HTR4: variants seen among roughly 807,000 people sequenced by gnomAD.
HTR4 encodes the protein 5-hydroxytryptamine (serotonin) receptor 4, G protein-coupled.
HTR4 carries 16 observed loss-of-function variants against 36.8 expected under a neutral mutation model. The observed-to-expected ratio is 0.43, with a 90% CI of 0.29 to 0.66. HTR4 has a LOEUF of 0.66. Among genes scored for constraint, HTR4 ranks in the 30% least tolerant of loss-of-function variants. The pLI is 0.13. For synonymous variants in HTR4, 189 were observed against 185.1 expected (o/e 1.02, Z -0.17); for missense variants, 438 against 490.9 (o/e 0.89, Z 1.02).
intron 5 of HTR4, among the ~76,000 whole-genome samples, chr5:148,457,927 ATATAT>A (rs1398557397): frequency 4.5e-5 from 6 of 132,916 alleles, no homozygotes; most frequent in Non-Finnish European, 9.7e-5. Context: ...TATCATTAAA[ATATAT>A]TATATTTTAA....
intron 5 of HTR4, among the ~76,000 whole-genome samples, chr5:148,511,292 A>G (rs1757486293): frequency 6.6e-6 from 1 of 152,224 alleles, no homozygotes; most frequent in South Asian, 2.1e-4. Flanking sequence ...ATAGAATATT[A>G]TCAACAACCC....
At position 148,559,389 on chromosome 5, in the gene HTR4, G is replaced by A. The variant is rs181532397; in HGVS notation, c.27-9127C>T. ...TTAACATATAGGAGCGATAAACTCA[G>A]ATAATAATCACATTGCTAATATGAC... On this transcript the variant is annotated intron_variant, in intron 2 of 6. Transcript: ENST00000377888. Among the ~76,000 whole-genome samples, 517 of 152,180 alleles carry A rather than the reference G, an allele frequency of 3.4e-3. 5 individuals carry two copies. Among genetic ancestry groups the A allele is most frequent in the African/African-American group, 0.012 (487 of 41,506 alleles).
intron 2 of HTR4, among the ~76,000 whole-genome samples, chr5:148,618,488 A>G (rs1312184157): frequency 6.6e-6 from 1 of 152,122 alleles, no homozygotes; most frequent in Non-Finnish European, 1.5e-5. Context: ...TGAAATCACC[A>G]TATTTCTTCA....
At chr5:148,542,787 G>T (rs1257950895) in intron 4 of HTR4, among the ~76,000 whole-genome samples, 1 of 152,158 alleles carries the variant, frequency 6.6e-6, no homozygotes, top group Non-Finnish European at 1.5e-5. Flanking sequence ...CCTAATATAG[G>T]GAAGACTTGG....
chr5:148,527,084 C>G (rs974380268), intron 4 of HTR4, among the ~76,000 whole-genome samples: 1 of 152,158 alleles, frequency 6.6e-6, no homozygotes, highest in African/African-American at 2.4e-5. Flanking sequence ...GATATCCCAA[C>G]TACCCTGATT....
At chr5:148,484,293 A>G in intron 6 of HTR4, 1 of 1,613,744 alleles carries the variant, frequency 6.2e-7, no homozygotes, top group Non-Finnish European at 8.5e-7. Flanking sequence ...CAAACATCTA[A>G]TGCTCAATGT....
chr5:148,495,686 GT>G (rs1427991440), intron 6 of HTR4, among the ~76,000 whole-genome samples: 3 of 152,206 alleles, frequency 2.0e-5, no homozygotes, highest in Non-Finnish European at 4.4e-5. Context: ...AGACTATGTA[GT>G]CATACCATGT....
intron 2 of HTR4, among the ~76,000 whole-genome samples, chr5:148,572,727 C>A (rs923060365): frequency 6.6e-6 from 1 of 152,088 alleles, no homozygotes; most frequent in African/African-American, 2.4e-5. Context: ...GTCTCTAGAA[C>A]CCTTTTCTTT....
intron 6 of HTR4, among the ~76,000 whole-genome samples, chr5:148,491,087 A>G (rs1346440465): frequency 6.6e-6 from 1 of 152,160 alleles, no homozygotes; most frequent in East Asian, 1.9e-4. Flanking sequence ...ACATGGGAAT[A>G]TGGTTTTCCA....
At chr5:148,455,961 T>C (rs1755092547) in intron 5 of HTR4, among the ~76,000 whole-genome samples, 1 of 152,146 alleles carries the variant, frequency 6.6e-6, no homozygotes, top group East Asian at 1.9e-4. Flanking sequence ...TCTTCCTGTC[T>C]CAGGGGTGGC....
intron 6 of HTR4, among the ~76,000 whole-genome samples, chr5:148,504,977 G>A (rs1231628530): frequency 6.6e-6 from 1 of 152,090 alleles, no homozygotes; most frequent in Non-Finnish European, 1.5e-5. Context: ...ACCAATAACA[G>A]GTTCTGAAAT....
intron 2 of HTR4, among the ~76,000 whole-genome samples, chr5:148,566,634 T>G: frequency 6.6e-6 from 1 of 152,154 alleles, no homozygotes; most frequent in East Asian, 1.9e-4. Context: ...TTAAAAGAAA[T>G]TTGGCATTTC....
chr5:148,544,626 A>G (rs1028305763), intron 4 of HTR4, among the ~76,000 whole-genome samples: 2 of 152,212 alleles, frequency 1.3e-5, no homozygotes, highest in Non-Finnish European at 1.5e-5. Context: ...CTTTTAAAGC[A>G]GTTTTTGATC....
chr5:148,458,211 C>G (rs560684662), intron 5 of HTR4, among the ~76,000 whole-genome samples: 1 of 148,394 alleles, frequency 6.7e-6, no homozygotes, highest in African/African-American at 2.5e-5. Flanking sequence ...ATATAAAGTG[C>G]CTTGGTTTAA....
intron 6 of HTR4, among the ~76,000 whole-genome samples, chr5:148,500,811 C>G (rs1051304658): frequency 6.6e-6 from 1 of 152,062 alleles, no homozygotes; most frequent in African/African-American, 2.4e-5. Context: ...ACAGCAATTA[C>G]TTTTACACTA....
Position 148,548,768 on chromosome 5 carries a change from T to A in HTR4, c.253A>T (p.Ile85Phe), listed in dbSNP as rs761717686. ...PFGAIELVQD[I>F]WIYGEVFCLV... ...CAAAACACCTCCCCATAAATCCAGA[T>A]GTCTTGAACCAGCTCAATGGCACCA... The change falls in exon 4 of 7, where the codon ATC (isoleucine) becomes TTC (phenylalanine). Residue 85 changes from isoleucine (I) to phenylalanine (F), a missense_variant. Physicochemically the swap from Ile to Phe is conservative, Grantham distance 21. Coordinates refer to ENST00000377888, the MANE Select transcript of HTR4 (RefSeq NM_000870.7). 1.1e-5 allele frequency: 18 copies of A among 1,614,036 alleles called. No individual in the cohort carries two copies. The East Asian group carries it at 3.8e-4, about 34-fold the overall frequency.
At chr5:148,522,180 C>T (rs1422750001) in intron 5 of HTR4, among the ~76,000 whole-genome samples, 3 of 152,282 alleles carry the variant, frequency 2.0e-5, no homozygotes, top group Non-Finnish European at 4.4e-5. Context: ...GATTGTGAGG[C>T]CTCCCCAGGC....
In HTR4 at chr5:148,621,275, G is replaced by A. The variant is rs1042886888; in HGVS notation, c.26+15714C>T. On this transcript the variant is annotated intron_variant, in intron 2 of 6. Coordinates refer to ENST00000377888, the MANE Select transcript of HTR4 (RefSeq NM_000870.7). The stretch of plus-strand genomic sequence containing the variant: ...TAACCAAGACATCAGGGCTGCCCAC[G>A]CATGACAGAGAGTCAAAAGTAAGCT... 3.3e-5 allele frequency among the ~76,000 whole-genome samples: 5 copies of A among 152,262 alleles called. No individual in the cohort carries two copies. In the South Asian group the frequency reaches 8.3e-4, roughly 25 times the overall value.
intron 1 of HTR4, among the ~76,000 whole-genome samples, chr5:148,652,425 G>T (rs1371334760): frequency 6.6e-6 from 1 of 152,168 alleles, no homozygotes; most frequent in African/African-American, 2.4e-5. Flanking sequence ...CTTATGTTGG[G>T]TTTCAGGTGC....
Sources: allele counts gnomAD v4.1 joint callset (sites outside exome capture counted in the v4.1 genomes callset), GRCh38; gene constraint gnomAD v4.1.1; transcripts MANE v1.5; gene names NCBI Gene and HGNC (gene_info 2026-07-23, HGNC 2026-07-21).